The following WDR7 variants were observed in gnomAD, a reference collection of about 807,000 sequenced individuals.
WDR7 encodes the protein WD repeat domain 7.
In WDR7, 46 loss-of-function variants were observed where a neutral mutation model predicts 169.4. The ratio of observed to expected loss-of-function variants is 0.27; its 90% CI spans 0.21 to 0.35. The LOEUF (loss-of-function observed/expected upper bound fraction) is 0.35. Ranked by LOEUF, WDR7 falls within the 10% of genes least tolerant of loss-of-function variation. WDR7 has a pLI of 1.00. For synonymous variants in WDR7, 612 were observed against 666.8 expected (o/e 0.92, Z 1.27); for missense variants, 1,534 against 1,859.3 (o/e 0.83, Z 3.22).
At chr18:56,680,238 G>C (rs994535248) in intron 3 of WDR7, among the ~76,000 whole-genome samples, 1 of 152,074 alleles carries the variant, frequency 6.6e-6, no homozygotes, top group Non-Finnish European at 1.5e-5. Context: ...TGCACCTGTA[G>C]TCTGAGCTAC....
chr18:56,730,496 G>A (rs189744073), intron 13 of WDR7, among the ~76,000 whole-genome samples: 149 of 152,194 alleles, frequency 9.8e-4, no homozygotes, highest in Non-Finnish European at 1.9e-3. Flanking sequence ...GCCGGGCGTG[G>A]TGGCTCATGC....
chr18:56,798,154 T>C (rs955638674), intron 19 of WDR7, among the ~76,000 whole-genome samples: 2 of 152,210 alleles, frequency 1.3e-5, no homozygotes, highest in Non-Finnish European at 2.9e-5. Flanking sequence ...ACTTTTGTAA[T>C]AGCAAATTTA....
rs140704103 is a variant in WDR7, at chr18:56,705,734, C to T, written c.1578+9272C>T. 7.7e-3 allele frequency among the ~76,000 whole-genome samples: 1,168 copies of T among 152,274 alleles called. 7 individuals are homozygous for T. Among genetic ancestry groups the T allele is most frequent in the Non-Finnish European group, 0.012 (845 of 68,036 alleles). On this transcript the variant is annotated intron_variant, in intron 12 of 27. Transcript: ENST00000254442. ...TAATGACTGGCCTGGCACGATGGCT[C>T]ACGCCTGTAATCCCAGCATTTTGGC... is the stretch of plus-strand genomic sequence containing the variant.
chr18:56,659,625 A>G (rs2024861335), intron 1 of WDR7, among the ~76,000 whole-genome samples: 1 of 152,230 alleles, frequency 6.6e-6, no homozygotes, highest in Non-Finnish European at 1.5e-5. Flanking sequence ...AGATTTGAAG[A>G]GGGCAAAGGA....
At chr18:56,823,062 A>G (rs866842721) in intron 20 of WDR7, among the ~76,000 whole-genome samples, 1 of 152,224 alleles carries the variant, frequency 6.6e-6, no homozygotes. Flanking sequence ...TGACATGAAT[A>G]TTAAAATACA....
intron 20 of WDR7, among the ~76,000 whole-genome samples, chr18:56,869,586 A>G (rs571425131): frequency 8.5e-5 from 13 of 152,218 alleles, no homozygotes; most frequent in Admixed American, 8.5e-4. Flanking sequence ...CTATGCCGCT[A>G]ACACAAGATT....
intron 20 of WDR7, among the ~76,000 whole-genome samples, chr18:56,828,496 T>G (rs1232619858): frequency 6.6e-6 from 1 of 152,176 alleles, no homozygotes; most frequent in African/African-American, 2.4e-5. Context: ...ATTACTAGAC[T>G]TTAGAAAACA....
At chr18:56,670,192 G>A (rs1041572688) in intron 1 of WDR7, among the ~76,000 whole-genome samples, 2 of 152,062 alleles carry the variant, frequency 1.3e-5, no homozygotes, top group Non-Finnish European at 2.9e-5. Flanking sequence ...AGAAGTATTT[G>A]ATTGTCATAT....
chr18:56,910,044 A>G (rs2046532184), intron 21 of WDR7, among the ~76,000 whole-genome samples: 1 of 152,140 alleles, frequency 6.6e-6, no homozygotes, highest in African/African-American at 2.4e-5. Flanking sequence ...CCTGCCATAC[A>G]TATGTACATG....
chr18:56,917,605 G>T (rs773390875), intron 21 of WDR7, among the ~76,000 whole-genome samples: 1 of 152,120 alleles, frequency 6.6e-6, no homozygotes, highest in African/African-American at 2.4e-5. Context: ...GCCATTATAC[G>T]TAGCCAGATA....
At chr18:56,871,528 A>C (rs1367969193) in intron 20 of WDR7, among the ~76,000 whole-genome samples, 1 of 152,120 alleles carries the variant, frequency 6.6e-6, no homozygotes, top group Non-Finnish European at 1.5e-5. Flanking sequence ...AGTAAAACCA[A>C]ATTATCTTTG....
chr18:56,800,087 A>G (rs972563955), intron 19 of WDR7, among the ~76,000 whole-genome samples: 1 of 149,656 alleles, frequency 6.7e-6, no homozygotes, highest in Non-Finnish European at 1.5e-5. Flanking sequence ...CTCTTTATAC[A>G]CTGTCGTATC....
intron 15 of WDR7, among the ~76,000 whole-genome samples, chr18:56,757,585 G>A (rs889629419): frequency 8.5e-5 from 13 of 152,070 alleles, no homozygotes; most frequent in African/African-American, 2.9e-4. Context: ...TTAAAAATTT[G>A]GAATGAGGGA....
chr18:56,787,913 G>A (rs557985526), intron 19 of WDR7, among the ~76,000 whole-genome samples: 1 of 152,280 alleles, frequency 6.6e-6, no homozygotes, highest in African/African-American at 2.4e-5. Context: ...GGGTTTGTTC[G>A]TAGGAAGAGG....
intron 26 of WDR7, chr18:57,010,012 G>A (rs2048115958): frequency 2.0e-6 from 2 of 985,334 alleles, no homozygotes; most frequent in South Asian, 9.4e-5. Flanking sequence ...TGTCCAGTGA[G>A]TTAGTGTGTA....
downstream of WDR7, chr18:57,032,337 G>C (rs988883179): frequency 6.6e-6 from 1 of 152,194 alleles, no homozygotes; most frequent in African/African-American, 2.4e-5. Flanking sequence ...CAAAGCAAAG[G>C]AAACTGAATA....
intron 19 of WDR7, among the ~76,000 whole-genome samples, chr18:56,801,611 A>G (rs1041584694): frequency 2.6e-5 from 4 of 151,520 alleles, no homozygotes; most frequent in African/African-American, 9.7e-5. Context: ...TTTGTAATCA[A>G]CTCCTCTCCT....
downstream of WDR7, chr18:57,033,803 C>G (rs2048454599): frequency 6.6e-6 from 1 of 152,154 alleles, no homozygotes; most frequent in South Asian, 2.1e-4. Flanking sequence ...GTCATGCTTC[C>G]TTTCCTGGGG....
chr18:56,797,778 T>G (rs1485705866), intron 19 of WDR7, among the ~76,000 whole-genome samples: 1 of 152,154 alleles, frequency 6.6e-6, no homozygotes, highest in African/African-American at 2.4e-5. Flanking sequence ...AGCTAAAACT[T>G]AAACGTAACA....
Sources: gnomAD v4.1 joint callset for allele counts (sites outside exome capture counted in the v4.1 genomes callset) on GRCh38, gnomAD v4.1.1 for gene constraint, MANE v1.5 for transcripts, NCBI Gene and HGNC (gene_info 2026-07-23, HGNC 2026-07-21) for gene names.